PHRF1: variants seen among roughly 807,000 people sequenced by gnomAD.
PHRF1 encodes the protein PHD and ring finger domains 1, also known as PHD and RING finger domain-containing protein 1.
In PHRF1, 53 loss-of-function variants were observed where a neutral mutation model predicts 128.9. The ratio of observed to expected loss-of-function variants is 0.41; its 90% CI spans 0.33 to 0.52. The LOEUF (loss-of-function observed/expected upper bound fraction) is 0.52. Ranked by LOEUF, PHRF1 falls within the 20% of genes least tolerant of loss-of-function variation. The pLI is 0.21. For missense variants in PHRF1, 2,503 were observed against 2,284.5 expected (o/e 1.10, Z -1.95); for synonymous variants, 1,178 against 980.6 (o/e 1.20, Z -3.76).
rs760150905 is a variant in PHRF1, at chr11:591,373, A to ATT, written c.421-9_421-8dup. ...TTGACAAGATTCTGATCCTGTTTTT[A>ATT]TTTCTCACAGAATGCCAATTCCTGT... On this transcript the variant is annotated splice_polypyrimidine_tract_variant and intron_variant, in intron 4 of 17. Transcript: ENST00000264555. 5 of 1,598,646 alleles carry ATT rather than the reference A, an allele frequency of 3.1e-6. No homozygotes were observed. The highest frequency in any genetic ancestry group is 4.3e-6 in the Non-Finnish European group (5 of 1,171,384).
intron 1 of PHRF1, among the ~76,000 whole-genome samples, chr11:576,893 C>T (rs1853881884): frequency 6.9e-6 from 1 of 144,606 alleles, no homozygotes; most frequent in Non-Finnish European, 1.5e-5. Context: ...GAGGCCCCGC[C>T]GAGACTGGGA....
chr11:579,068 G>T (rs1854055360), intron 1 of PHRF1, among the ~76,000 whole-genome samples: 1 of 152,182 alleles, frequency 6.6e-6, no homozygotes, highest in African/African-American at 2.4e-5. Context: ...TTGAACTACG[G>T]AGCTCAGGCC....
intron 3 of PHRF1, among the ~76,000 whole-genome samples, chr11:585,267 T>C (rs112143693): frequency 7.1e-6 from 1 of 140,042 alleles, no homozygotes; most frequent in East Asian, 2.1e-4. Flanking sequence ...CCTTTCCAGC[T>C]TGAGGTAGTA....
intron 1 of PHRF1, among the ~76,000 whole-genome samples, chr11:580,833 C>T (rs1051421198): frequency 1.3e-5 from 2 of 152,102 alleles, no homozygotes; most frequent in Admixed American, 6.6e-5. Context: ...GGATTACAGG[C>T]GCCCGCCACC....
chr11:611,488 G>T, intron 17 of PHRF1, 146 bp from the exon 18 acceptor site: 2 of 1,139,300 alleles, frequency 1.8e-6, no homozygotes, highest in Admixed American at 2.6e-5. Flanking sequence ...CATAGGTGGG[G>T]CGGCCTCTGC....
In PHRF1 at chr11:610,739, C is replaced by T. The variant is rs375211927; in HGVS notation, c.4655C>T (p.Ala1552Val). ...EEKTPAPRLA[A>V]EKTKKEEYMK... Reference sequence around the variant, plus strand: ...AAGACCCCGGCCCCCAGGCTAGCTGCGGAGAAAACCAAGAAGGAGGAGGTG... The same window carrying T: ...AAGACCCCGGCCCCCAGGCTAGCTGTGGAGAAAACCAAGAAGGAGGAGGTG... Residue 1552 changes from alanine (A) to valine (V), a missense_variant, in exon 16 of 18, where the codon GCG (alanine) becomes GTG (valine). Coordinates refer to ENST00000264555, the MANE Select transcript of PHRF1 (RefSeq NM_001286581.2). 50 of 1,601,422 alleles carry T rather than the reference C, an allele frequency of 3.1e-5. No homozygotes were observed. The highest frequency in any genetic ancestry group is 1.6e-4 in the Middle Eastern group (1 of 6,082).
At chr11:607,043 C>T (rs1232446803) in intron 13 of PHRF1, 23 bp from the exon 14 acceptor site, 2 of 1,540,086 alleles carry the variant, frequency 1.3e-6, no homozygotes, top group East Asian at 2.3e-5. Flanking sequence ...GAAATGATTG[C>T]CATTGACTTT....
In PHRF1 at chr11:598,398, C is replaced by G; in HGVS notation, c.920C>G (p.Ser307Cys). 1 of 1,610,698 alleles carries G rather than the reference C, an allele frequency of 6.2e-7. No individual in the cohort carries two copies. The highest frequency in any genetic ancestry group is 8.5e-7 in the Non-Finnish European group (1 of 1,179,796). Residue 307 changes from serine to cysteine, a missense_variant, in exon 9 of 18, where the codon TCC becomes TGC. Ser to Cys is a moderately radical substitution (Grantham distance 112). Transcript: ENST00000264555. ...VQHTPGRLGS[S>C]LLDEAIEAVA... ...CACACACCAGGGCGCCTCGGGTCTTCCCTGCTGGATGAAGCCATCGAGGCT... is the reference window on the plus strand; with the variant it reads ...CACACACCAGGGCGCCTCGGGTCTTGCCTGCTGGATGAAGCCATCGAGGCT...
In PHRF1 at chr11:610,736, C is replaced by T. The variant is rs1165666494; in HGVS notation, c.4652C>T (p.Ala1551Val). ...SEEKTPAPRL[A>V]AEKTKKEEYM... ...GAGAAGACCCCGGCCCCCAGGCTAG[C>T]TGCGGAGAAAACCAAGAAGGAGGAG... The change falls in exon 16 of 18, where the codon GCT becomes GTT. Residue 1551 changes from alanine (A) to valine (V), a missense_variant. Transcript: ENST00000264555. 1 of 1,601,758 alleles carries T rather than the reference C, an allele frequency of 6.2e-7. No homozygotes were observed. Among genetic ancestry groups the T allele is most frequent in the South Asian group, 1.1e-5 (1 of 91,082 alleles).
intron 3 of PHRF1, among the ~76,000 whole-genome samples, chr11:584,706 A>G (rs921945829): frequency 7.2e-6 from 1 of 139,110 alleles, no homozygotes; most frequent in South Asian, 2.3e-4. Flanking sequence ...CACTGTGAAC[A>G]CTTCTTTTTA....
intron 1 of PHRF1, among the ~76,000 whole-genome samples, chr11:577,278 A>G (rs1204025474): frequency 6.6e-6 from 1 of 152,250 alleles, no homozygotes; most frequent in Non-Finnish European, 1.5e-5. Context: ...GATCCGCGCC[A>G]GCCCCGACTC....
chr11:608,863 A>C lies in PHRF1; in HGVS notation c.3407A>C (p.Lys1136Thr), dbSNP rs748242962. Residue 1136 changes from lysine (K) to threonine (T), a missense_variant, in exon 14 of 18, where the codon AAG becomes ACG. Lys to Thr is a moderately conservative substitution (Grantham distance 78). Coordinates refer to ENST00000264555, the MANE Select transcript of PHRF1 (RefSeq NM_001286581.2). ...TSSLERLCRH[K>T]HQRERSHERP... ...AGCCTGGAGAGGCTCTGCAGGCACA[A>C]GCATCAGCGGGAACGCAGCCACGAG... 8 of 1,612,244 alleles carry C rather than the reference A, an allele frequency of 5.0e-6. No homozygotes were observed. The East Asian group carries it at 1.6e-4, about 31-fold the overall frequency.
intron 3 of PHRF1, among the ~76,000 whole-genome samples, chr11:582,739 T>G (rs1468106170): frequency 1.3e-5 from 2 of 151,590 alleles, no homozygotes; most frequent in African/African-American, 2.4e-5. Flanking sequence ...TTAGCCAGGA[T>G]GGTCTCGATC....
At chr11:580,143 G>A (rs975058891) in intron 1 of PHRF1, among the ~76,000 whole-genome samples, 13 of 152,192 alleles carry the variant, frequency 8.5e-5, no homozygotes, top group Admixed American at 5.2e-4. Flanking sequence ...CTGCAGGGCC[G>A]GCTTCACTGC....
chr11:594,957 G>A (rs894797386), intron 6 of PHRF1, among the ~76,000 whole-genome samples: 3 of 152,114 alleles, frequency 2.0e-5, no homozygotes, highest in Non-Finnish European at 4.4e-5. Context: ...TCAATATAAC[G>A]ATTCTCATAC....
At position 598,464 on chromosome 11, in the gene PHRF1, T is replaced by G; in HGVS notation, c.986T>G (p.Leu329Arg). ...AGCACTGCCGTGTATCAGCGCCCCC[T>G]GACGCCGCGCACTCCCGCCCGACGG... The part of the protein sequence containing the change: ...GLSTAVYQRP[L>R]TPRTPARRKR... The change falls in exon 9 of 18, where the codon CTG (leucine) becomes CGG (arginine). Residue 329 changes from leucine (L) to arginine (R), a missense_variant. Transcript: ENST00000264555. The G allele has an allele frequency of 6.2e-7, 1 of 1,610,576 alleles. No individual in the cohort carries two copies. The highest frequency in any genetic ancestry group is 8.5e-7 in the Non-Finnish European group (1 of 1,179,636).
chr11:608,105 G>C lies in PHRF1; in HGVS notation c.2649G>C (p.Thr883=). ...VQAVRCVTSY[T]VESIFGTEPE... ...CTGTGCGCTGCGTCACCTCCTACAC[G>C]GTGGAGAGCATCTTTGGTACAGAGC... Residue 883 remains threonine, a synonymous_variant, in exon 14 of 18, where the codon ACG becomes ACC. Transcript: ENST00000264555. The C allele has an allele frequency of 6.2e-7, 1 of 1,611,810 alleles. No individual in the cohort carries two copies. Among genetic ancestry groups the C allele is most frequent in the Non-Finnish European group, 8.5e-7 (1 of 1,179,866 alleles).
chr11:593,858 C>T (rs935010920), intron 6 of PHRF1, among the ~76,000 whole-genome samples: 2 of 152,228 alleles, frequency 1.3e-5, no homozygotes, highest in Admixed American at 6.5e-5. Context: ...CCTCCTTTCT[C>T]ACGAGTCTGA....
At chr11:592,870 A>G (rs570849725) in intron 6 of PHRF1, among the ~76,000 whole-genome samples, 196 bp downstream of exon 6, 1 of 152,238 alleles carries the variant, frequency 6.6e-6, no homozygotes, top group African/African-American at 2.4e-5. Context: ...TTCCCCAAAA[A>G]ACATTCTGAG....
Sources: gnomAD v4.1 joint callset for allele counts (sites outside exome capture counted in the v4.1 genomes callset) on GRCh38, gnomAD v4.1.1 for gene constraint, MANE v1.5 for transcripts, NCBI Gene and HGNC (gene_info 2026-07-23, HGNC 2026-07-21) for gene names.